SHISA6: variants seen among roughly 807,000 people sequenced by gnomAD.
SHISA6 encodes shisa family member 6.
SHISA6 carries 22 observed loss-of-function variants against 47.9 expected under a neutral mutation model. The observed-to-expected ratio is 0.46, with a 90% confidence interval of 0.33 to 0.66. The LOEUF is 0.66. Among genes scored for constraint, SHISA6 ranks in the 30% least tolerant of loss-of-function variants. The probability of loss-of-function intolerance (pLI) is 0.02; values close to 1 mark genes in which losing one functional copy is unlikely to be tolerated. For missense variants in SHISA6, 680 were observed against 764.6 expected (o/e 0.89, Z 1.30); for synonymous variants, 388 against 337.8 (o/e 1.15, Z -1.63).
intron 1 of SHISA6, among the ~76,000 whole-genome samples, chr17:11,243,760 C>T (rs1907466286): frequency 6.6e-6 from 1 of 152,188 alleles, no homozygotes; most frequent in Non-Finnish European, 1.5e-5. Context: ...GGCTTGTCTC[C>T]TCTTCCCCTT....
At chr17:11,290,844 G>A (rs1337597535) in intron 2 of SHISA6, 1 of 152,046 alleles carries the variant, frequency 6.6e-6, no homozygotes, top group African/African-American at 2.4e-5. Context: ...ATACTGATAT[G>A]TGAGGGTTTA....
intron 3 of SHISA6, among the ~76,000 whole-genome samples, chr17:11,385,500 T>A (rs563518384): frequency 6.6e-6 from 1 of 152,216 alleles, no homozygotes; most frequent in East Asian, 1.9e-4. Context: ...AAGGACCAGA[T>A]TTTAGGCAGA....
chr17:11,402,787 C>A (rs777503075), intron 3 of SHISA6, among the ~76,000 whole-genome samples: 5 of 152,204 alleles, frequency 3.3e-5, no homozygotes, highest in Non-Finnish European at 7.3e-5. Flanking sequence ...TACATCACTT[C>A]CTTGTGGAAA....
chr17:11,243,648 C>T (rs1259902075), intron 1 of SHISA6, among the ~76,000 whole-genome samples: 2 of 152,196 alleles, frequency 1.3e-5, no homozygotes, highest in African/African-American at 2.4e-5. Context: ...TCTGTCTCGG[C>T]TCAGTGTGGA....
chr17:11,478,492 GC>G (rs1916125160), intron 3 of SHISA6, among the ~76,000 whole-genome samples: 1 of 97,482 alleles, frequency 1.0e-5, no homozygotes, highest in Non-Finnish European at 2.0e-5. Flanking sequence ...TGAAGTCCTT[GC>G]CCATGCCTAT....
chr17:11,415,685 T>C (rs899557258), intron 3 of SHISA6, among the ~76,000 whole-genome samples: 2 of 152,264 alleles, frequency 1.3e-5, no homozygotes, highest in African/African-American at 2.4e-5. Flanking sequence ...ACTACATTGA[T>C]AGGTCGAGGC....
intron 3 of SHISA6, among the ~76,000 whole-genome samples, chr17:11,458,943 C>T (rs1045053559): frequency 6.6e-6 from 1 of 151,950 alleles, no homozygotes; most frequent in East Asian, 1.9e-4. Flanking sequence ...TGGTGGCTCA[C>T]GCCTGTAATC....
At chr17:11,297,547 C>G (rs1175577395) in intron 2 of SHISA6, among the ~76,000 whole-genome samples, 2 of 152,160 alleles carry the variant, frequency 1.3e-5, no homozygotes, top group Non-Finnish European at 2.9e-5. Flanking sequence ...AGCAAGCTGT[C>G]CTTCTGAGGC....
At chr17:11,473,311 T>G (rs1346056446) in intron 3 of SHISA6, among the ~76,000 whole-genome samples, 1 of 151,906 alleles carries the variant, frequency 6.6e-6, no homozygotes, top group Admixed American at 6.5e-5. Context: ...TATAAATCCA[T>G]TTTGGGTTTT....
intron 3 of SHISA6, among the ~76,000 whole-genome samples, chr17:11,532,500 C>T (rs368386803): frequency 3.3e-5 from 5 of 152,166 alleles, no homozygotes; most frequent in East Asian, 1.9e-4. Flanking sequence ...TGTGTGTGCG[C>T]GCACGCGCGT....
intron 3 of SHISA6, among the ~76,000 whole-genome samples, chr17:11,475,272 T>C (rs1916025560): frequency 6.6e-6 from 1 of 152,178 alleles, no homozygotes; most frequent in African/African-American, 2.4e-5. Context: ...GTATACTTTG[T>C]TTCCTTCTCT....
At chr17:11,502,807 G>A (rs1742296315) in intron 3 of SHISA6, among the ~76,000 whole-genome samples, 1 of 152,228 alleles carries the variant, frequency 6.6e-6, no homozygotes, top group Non-Finnish European at 1.5e-5. Context: ...CAAATGCAAT[G>A]TCATGCTCAC....
At chr17:11,512,622 T>C (rs940446913) in intron 3 of SHISA6, among the ~76,000 whole-genome samples, 13 of 152,296 alleles carry the variant, frequency 8.5e-5, no homozygotes, top group African/African-American at 2.9e-4. Flanking sequence ...AAGTAGGTTG[T>C]AGACAAATTA....
At chr17:11,526,420 C>T (rs1347301446) in intron 3 of SHISA6, among the ~76,000 whole-genome samples, 5 of 152,212 alleles carry the variant, frequency 3.3e-5, no homozygotes, top group African/African-American at 9.6e-5. Context: ...ACTGTCCCCA[C>T]AGACACACTA....
chr17:11,407,719 A>G lies in SHISA6; in HGVS notation c.895+28210A>G, dbSNP rs139322953. Among the ~76,000 whole-genome samples the G allele has an allele frequency of 1.3e-3, 193 of 152,278 alleles. 2 individuals are homozygous for G. Among genetic ancestry groups the G allele is most frequent in the African/African-American group, 4.4e-3 (182 of 41,542 alleles). On this transcript the variant is annotated intron_variant, in intron 3 of 5. Transcript: ENST00000441885. The stretch of plus-strand genomic sequence containing the variant: ...GATGGTTTCTGAGTCTAAGACTCCT[A>G]TTAATGATACCACTGTTAGTCATTA...
chr17:11,537,656 G>A (rs1056567752), intron 3 of SHISA6, among the ~76,000 whole-genome samples: 1 of 152,178 alleles, frequency 6.6e-6, no homozygotes, highest in African/African-American at 2.4e-5. Context: ...AGGAAGCTCA[G>A]ATAAGCAATC....
chr17:11,272,481 C>G (rs1321705417), intron 2 of SHISA6, among the ~76,000 whole-genome samples: 1 of 152,134 alleles, frequency 6.6e-6, no homozygotes, highest in Non-Finnish European at 1.5e-5. Flanking sequence ...TTTGGAACCC[C>G]GCTCTGCCTT....
chr17:11,272,990 G>A (rs1908737689), intron 2 of SHISA6, among the ~76,000 whole-genome samples: 2 of 152,214 alleles, frequency 1.3e-5, no homozygotes, highest in African/African-American at 4.8e-5. Flanking sequence ...TGGCCTGCCA[G>A]AGAGAGTGAT....
chr17:11,257,527 G>A (rs1908062043), intron 1 of SHISA6, among the ~76,000 whole-genome samples: 1 of 152,060 alleles, frequency 6.6e-6, no homozygotes, highest in African/African-American at 2.4e-5. Context: ...TGGGTGTGGT[G>A]GTGCTTGCCT....
Sources: allele counts gnomAD v4.1 joint callset (sites outside exome capture counted in the v4.1 genomes callset), GRCh38; gene constraint gnomAD v4.1.1; transcripts MANE v1.5; gene names NCBI Gene and HGNC (gene_info 2026-07-23, HGNC 2026-07-21).